The following NOS1 variants were observed in gnomAD, a reference collection of about 807,000 sequenced individuals.
NOS1 encodes NOS type I.
In NOS1, 51 loss-of-function variants were observed where a neutral mutation model predicts 164.5. The observed-to-expected ratio is 0.31, with a 90% CI of 0.25 to 0.39. The LOEUF is 0.39. NOS1 is among the 10% of genes least tolerant of loss of function. The pLI is 1.00. For missense variants in NOS1, 1,362 were observed against 1,885.6 expected (o/e 0.72, Z 5.14); for synonymous variants, 719 against 745.8 (o/e 0.96, Z 0.59).
intron 10 of NOS1, among the ~76,000 whole-genome samples, chr12:117,271,418 T>C (rs1336009621): frequency 6.6e-6 from 1 of 152,124 alleles, no homozygotes; most frequent in African/African-American, 2.4e-5. Context: ...GCTGGGATTA[T>C]AGGCGCAAGC....
intron 3 of NOS1, chr12:117,309,458 G>A (rs894969018): frequency 2.4e-6 from 2 of 839,038 alleles, no homozygotes; most frequent in Non-Finnish European, 2.9e-6. Context: ...TGCGCTGGCA[G>A]TGAAAGCTGC....
At chr12:117,222,936 T>C (rs768302967) in intron 25 of NOS1, 73 bp from the exon 26 acceptor site, 3 of 1,548,932 alleles carry the variant, frequency 1.9e-6, no homozygotes, top group Admixed American at 1.8e-5. Flanking sequence ...GTGCCAGGGA[T>C]GGGGTACTGA....
rs910341374 is a variant in NOS1, at chr12:117,212,387, T to C, written c.*2922A>G. The C allele has an allele frequency of 2.3e-5, 23 of 985,222 alleles. No homozygotes were observed. The highest frequency in any genetic ancestry group is 1.0e-3 in the Middle Eastern group (2 of 1,936). The allele number at this position is 985,222 out of a possible 1,614,324, so 61.0% of individuals were successfully genotyped here. ...AAATTCCATATTGATGGGTCTGAAGTGTCCCCCCGCAAAAGAAAGACACCT... is the reference window on the plus strand; with the variant it reads ...AAATTCCATATTGATGGGTCTGAAGCGTCCCCCCGCAAAAGAAAGACACCT... On this transcript the variant is annotated 3_prime_UTR_variant, in exon 29 of 29. Coordinates refer to ENST00000317775, the MANE Select transcript of NOS1 (RefSeq NM_000620.5).
intron 14 of NOS1, 100 bp from the exon 15 acceptor site, chr12:117,259,230 G>T: frequency 1.4e-6 from 1 of 732,400 alleles, no homozygotes; most frequent in Non-Finnish European, 2.3e-6. Context: ...AAGGGCAAGA[G>T]GAGAGAAAGG....
intron 2 of NOS1, among the ~76,000 whole-genome samples, chr12:117,312,033 T>A (rs1164361336): frequency 6.6e-6 from 1 of 152,022 alleles, no homozygotes; most frequent in Non-Finnish European, 1.5e-5. Flanking sequence ...GATAGAGAGG[T>A]CCTGTGGGCT....
At chr12:117,354,233 T>C (rs1876761586) in intron 1 of NOS1, among the ~76,000 whole-genome samples, 1 of 152,134 alleles carries the variant, frequency 6.6e-6, no homozygotes, top group Non-Finnish European at 1.5e-5. Flanking sequence ...CGTATATGAG[T>C]TTGGCATGTT....
chr12:117,278,802 T>C (rs1207766958), intron 8 of NOS1, among the ~76,000 whole-genome samples: 1 of 149,698 alleles, frequency 6.7e-6, no homozygotes, highest in African/African-American at 2.4e-5. Context: ...ATGTCCTTGA[T>C]ATTAATATTA....
intron 2 of NOS1, among the ~76,000 whole-genome samples, chr12:117,315,561 T>C (rs775211829): frequency 6.6e-6 from 1 of 152,162 alleles, no homozygotes; most frequent in Non-Finnish European, 1.5e-5. Context: ...TTAGTTCGAT[T>C]CTCAGCCCAC....
At chr12:117,231,690 G>C (rs948758052) in intron 22 of NOS1, among the ~76,000 whole-genome samples, 1 of 152,200 alleles carries the variant, frequency 6.6e-6, no homozygotes, top group Non-Finnish European at 1.5e-5. Context: ...GAAGCTCAAG[G>C]TTCCAGAAGA....
intron 3 of NOS1, among the ~76,000 whole-genome samples, chr12:117,297,247 A>C (rs1182516006): frequency 6.6e-6 from 1 of 152,142 alleles, no homozygotes; most frequent in East Asian, 1.9e-4. Flanking sequence ...AGGAGTAGCC[A>C]TGGGGTTGGA....
chr12:117,298,146 C>G (rs1873551543), intron 3 of NOS1, among the ~76,000 whole-genome samples: 2 of 151,796 alleles, frequency 1.3e-5, no homozygotes, highest in Non-Finnish European at 2.9e-5. Context: ...AGTGGGAGCA[C>G]TGAGCTTGTT....
At chr12:117,262,901 C>T (rs958237176) in intron 13 of NOS1, among the ~76,000 whole-genome samples, 1 of 152,050 alleles carries the variant, frequency 6.6e-6, no homozygotes, top group African/African-American at 2.4e-5. Context: ...CCATAACCCC[C>T]TTCCTTCCCC....
At chr12:117,304,693 G>A (rs948108648) in intron 3 of NOS1, among the ~76,000 whole-genome samples, 1 of 152,188 alleles carries the variant, frequency 6.6e-6, no homozygotes, top group African/African-American at 2.4e-5. Context: ...CTCTGTGACT[G>A]GGGACTCGTC....
chr12:117,273,492 T>C (rs1270545281), intron 9 of NOS1, among the ~76,000 whole-genome samples: 1 of 152,080 alleles, frequency 6.6e-6, no homozygotes, highest in African/African-American at 2.4e-5. Flanking sequence ...GCTATTAGGT[T>C]GATGCAAAAG....
At chr12:117,264,662 C>T (rs1225744637) in intron 12 of NOS1, among the ~76,000 whole-genome samples, 2 of 135,134 alleles carry the variant, frequency 1.5e-5, no homozygotes, top group African/African-American at 2.8e-5. Context: ...TCCCTCTACA[C>T]TCTCTCCCTC....
At chr12:117,354,712 T>C (rs1876782424) in intron 1 of NOS1, among the ~76,000 whole-genome samples, 1 of 152,134 alleles carries the variant, frequency 6.6e-6, no homozygotes, top group African/African-American at 2.4e-5. Context: ...TCACTACATC[T>C]AGTTATTGGT....
At chr12:117,270,836 G>A (rs1217530289) in intron 10 of NOS1, among the ~76,000 whole-genome samples, 1 of 152,030 alleles carries the variant, frequency 6.6e-6, no homozygotes, top group East Asian at 1.9e-4. Context: ...AAGAGTTCGA[G>A]ACTAGCCTGG....
chr12:117,298,051 T>C (rs1593001198), intron 3 of NOS1, among the ~76,000 whole-genome samples: 1 of 152,106 alleles, frequency 6.6e-6, no homozygotes, highest in Admixed American at 6.6e-5. Context: ...TCAAGGGCAT[T>C]ACATTGATCG....
At chr12:117,219,978 C>T (rs577842699) in intron 27 of NOS1, 97 bp downstream of exon 27, 7 of 1,183,394 alleles carry the variant, frequency 5.9e-6, no homozygotes, top group South Asian at 2.9e-5. Flanking sequence ...GGGATATCAT[C>T]GTGGCTCCCC....
Sources: gnomAD v4.1 joint callset for allele counts (sites outside exome capture counted in the v4.1 genomes callset) on GRCh38, gnomAD v4.1.1 for gene constraint, MANE v1.5 for transcripts, NCBI Gene and HGNC (gene_info 2026-07-23, HGNC 2026-07-21) for gene names.